Variants in ALG8 observed in about 807,000 individuals in gnomAD.
ALG8 encodes the protein dolichyl pyrophosphate Glc1Man9GlcNAc2 alpha-1,3-glucosyltransferase.
ALG8 carries 48 observed loss-of-function variants against 70.2 expected under a neutral mutation model. The observed-to-expected ratio is 0.68, with a 90% CI of 0.54 to 0.87. ALG8 has a LOEUF of 0.87. ALG8 is among the 40% of genes least tolerant of loss of function. ALG8 has a pLI of 0.00. For missense variants in ALG8, 572 were observed against 608.7 expected (o/e 0.94, Z 0.64); for synonymous variants, 234 against 229.0 (o/e 1.02, Z -0.20).
At position 78,106,792 on chromosome 11, in the gene ALG8, G is replaced by C. The variant is rs1262696818; in HGVS notation, c.1178+15C>G. The C allele has an allele frequency of 1.2e-6, 2 of 1,613,792 alleles. No homozygotes were observed. The highest frequency in any genetic ancestry group is 1.3e-5 in the African/African-American group (1 of 75,022). Reference sequence around the variant, plus strand: ...AAATATGCCAAAATGCTCACTGGCTGAGCTATCTGCTTACCTCATTGGGAG... The same window carrying C: ...AAATATGCCAAAATGCTCACTGGCTCAGCTATCTGCTTACCTCATTGGGAG... On this transcript the variant is annotated intron_variant, in intron 10 of 12. Coordinates refer to ENST00000299626, the MANE Select transcript of ALG8 (RefSeq NM_024079.5).
intron 2 of ALG8, among the ~76,000 whole-genome samples, chr11:78,126,404 C>T (rs1458396512): frequency 6.6e-6 from 1 of 151,066 alleles, no homozygotes; most frequent in African/African-American, 2.4e-5. Flanking sequence ...TGGTGGCGGG[C>T]GCCTGTAATC....
chr11:78,116,277 CGTGAGGTGGAGGTTGCA>C (rs1025728651), intron 5 of ALG8, among the ~76,000 whole-genome samples: 4 of 152,146 alleles, frequency 2.6e-5, no homozygotes, highest in Admixed American at 6.6e-5. Context: ...ACGAGAATCA[CGTGAGGTGGAGGTTGCA>C]GTGAGGTGGA....
rs111315632 is a variant in ALG8, at chr11:78,135,971, C to T, written c.95+3523G>A. Among the ~76,000 whole-genome samples the T allele has an allele frequency of 2.0e-3, 299 of 151,802 alleles. 2 individuals are homozygous for T. The highest frequency in any genetic ancestry group is 7.0e-3 in the African/African-American group (290 of 41,382). The stretch of plus-strand genomic sequence containing the variant: ...ATCGCTTGAGGTCAGGAATTTGAGA[C>T]GAGCCTGGGCAACATGGTGAAACCC... On this transcript the variant is annotated intron_variant, in intron 1 of 12. Transcript: ENST00000299626.
intron 1 of ALG8, among the ~76,000 whole-genome samples, chr11:78,134,292 CACACTTGGCTAATTT>C (rs1565364991): frequency 6.6e-6 from 1 of 152,126 alleles, no homozygotes; most frequent in Non-Finnish European, 1.5e-5. Flanking sequence ...TGCCCACCAC[CACACTTGGCTAATTT>C]TTGTATATTT....
chr11:78,132,380 T>C (rs1274305883), intron 1 of ALG8, among the ~76,000 whole-genome samples: 1 of 152,208 alleles, frequency 6.6e-6, no homozygotes, highest in Non-Finnish European at 1.5e-5. Flanking sequence ...AAAGGGCACC[T>C]AGCCTTCCTG....
chr11:78,139,613 C>T lies in ALG8; in HGVS notation c.-25G>A, dbSNP rs559379357. The T allele has an allele frequency of 2.1e-4, 329 of 1,548,956 alleles. 2 individuals are homozygous for T. In the South Asian group the frequency reaches 3.8e-3, roughly 18 times the overall value. The stretch of plus-strand genomic sequence containing the variant: ...TTGCTGCGGCACCGCACGCTTCCCA[C>T]CAACTTGATCCACATCCGGGATCCC... On this transcript the variant is annotated 5_prime_UTR_variant, in exon 1 of 13. It adds an upstream start codon to the 5' untranslated region. Transcript: ENST00000299626.
chr11:78,110,967 G>C (rs1427251762), intron 8 of ALG8, among the ~76,000 whole-genome samples: 1 of 152,124 alleles, frequency 6.6e-6, no homozygotes, highest in Non-Finnish European at 1.5e-5. Flanking sequence ...CAAGGCAACT[G>C]GCCCTTGTAC....
Position 78,123,782 on chromosome 11 carries a change from A to G in ALG8, c.368+239T>C, listed in dbSNP as rs553462865. Among the ~76,000 whole-genome samples the G allele has an allele frequency of 2.0e-5, 3 of 152,320 alleles. No homozygotes were observed. The South Asian group carries it at 6.2e-4, about 32-fold the overall frequency. The stretch of plus-strand genomic sequence containing the variant: ...ATACTTGGGACTACTTCTTTTCACA[A>G]CATTCATAATCTCTTGTTCTACCTC... On this transcript the variant is annotated intron_variant, in intron 3 of 12. Transcript: ENST00000299626.
intron 3 of ALG8, among the ~76,000 whole-genome samples, chr11:78,122,491 G>A (rs964174993): frequency 2.0e-5 from 3 of 151,966 alleles, no homozygotes; most frequent in Non-Finnish European, 4.4e-5. Flanking sequence ...ACAGTCCCCG[G>A]CAACCACAGC....
chr11:78,139,101 CCCA>C, intron 1 of ALG8: 1 of 355,202 alleles, frequency 2.8e-6, no homozygotes, highest in East Asian at 7.1e-5. Context: ...TCTAGCTCCA[CCCA>C]CCAACTTCGA....
chr11:78,109,486 C>T lies in ALG8; in HGVS notation c.994G>A (p.Val332Met). The T allele has an allele frequency of 6.2e-7, 1 of 1,614,110 alleles. No homozygotes were observed. The highest frequency in any genetic ancestry group is 8.5e-7 in the Non-Finnish European group (1 of 1,180,008). The change falls in exon 9 of 13, where the codon GTG (valine) becomes ATG (methionine). Residue 332 changes from valine (V) to methionine (M), a missense_variant. Transcript: ENST00000299626. Reference sequence around the variant, plus strand: ...CAGATGAGGGTTGCCAAGGGAGTCACTGAGGGAAGGACTGTGTGTTGGAAC... The same window carrying T: ...CAGATGAGGGTTGCCAAGGGAGTCATTGAGGGAAGGACTGTGTGTTGGAAC... ...QQFQHTVLPSVTPLATLICTL... is the reference protein window; with the variant it reads ...QQFQHTVLPSMTPLATLICTL...
At position 78,106,833 on chromosome 11, in the gene ALG8, G is replaced by C; in HGVS notation, c.1152C>G (p.Ala384=). 1 of 1,614,086 alleles carries C rather than the reference G, an allele frequency of 6.2e-7. No individual in the cohort carries two copies. Among genetic ancestry groups the C allele is most frequent in the South Asian group, 1.1e-5 (1 of 91,080 alleles). Residue 384 remains alanine (A), a synonymous_variant, in exon 10 of 13, where the codon GCC becomes GCG. Transcript: ENST00000299626. ...TCATTGGGAGAATTGCTAGAAGTAT[G>C]GCTTTTTCATGAACATGCCACCCAA... ...FMFGWHVHEK[A]ILLAILPMSL... is the part of the protein sequence containing the mutation.
At chr11:78,133,850 G>A (rs55726120) in intron 1 of ALG8, among the ~76,000 whole-genome samples, 2 of 151,068 alleles carry the variant, frequency 1.3e-5, no homozygotes, top group Non-Finnish European at 2.9e-5. Flanking sequence ...GCAGTGAGCC[G>A]AGATAGCGCC....
chr11:78,123,252 G>A (rs1590828804), intron 3 of ALG8, among the ~76,000 whole-genome samples: 1 of 139,242 alleles, frequency 7.2e-6, no homozygotes, highest in East Asian at 2.2e-4. Flanking sequence ...GCAGTGAGCC[G>A]AGATCGCGCC....
intron 5 of ALG8, among the ~76,000 whole-genome samples, chr11:78,117,358 T>C (rs1323848576): frequency 6.6e-6 from 1 of 152,138 alleles, no homozygotes; most frequent in Non-Finnish European, 1.5e-5. Flanking sequence ...TCCTCCTCTA[T>C]AGGAGGAATA....
intron 1 of ALG8, among the ~76,000 whole-genome samples, chr11:78,129,255 G>C (rs585486): frequency 0.22 from 32,890 of 151,218 alleles, 4,403 homozygotes; most frequent in African/African-American, 0.38. Context: ...CCCATCTCTA[G>C]TAAAAATATA....
intron 8 of ALG8, among the ~76,000 whole-genome samples, chr11:78,111,794 G>A (rs1860303125): frequency 6.6e-6 from 1 of 152,190 alleles, no homozygotes; most frequent in Admixed American, 6.5e-5. Context: ...TATCCAGAGT[G>A]AGTTATTTTT....
At position 78,124,062 on chromosome 11, in the gene ALG8, G is replaced by A. The variant is rs776646497; in HGVS notation, c.327C>T (p.Ser109=). 1.2e-5 allele frequency: 19 copies of A among 1,613,940 alleles called. No homozygotes were observed. In the East Asian group the frequency reaches 2.9e-4, roughly 25 times the overall value. ...SSRTLLFQRF[S]VIFMDVLFVY... is the part of the protein sequence containing the mutation. ...CAAAGAGTACATCCATAAAGATGACGGAAAATCTCTGGAAAAGTAAGGTCC... is the reference window on the plus strand; with the variant it reads ...CAAAGAGTACATCCATAAAGATGACAGAAAATCTCTGGAAAAGTAAGGTCC... The change falls in exon 3 of 13, where the codon TCC becomes TCT. Residue 109 remains serine (S), a synonymous_variant. Transcript: ENST00000299626.
At chr11:78,108,701 T>C (rs1270885218) in intron 9 of ALG8, among the ~76,000 whole-genome samples, 3 of 152,200 alleles carry the variant, frequency 2.0e-5, no homozygotes, top group Non-Finnish European at 4.4e-5. Context: ...TTACCTCAAT[T>C]AAAATATGTG....
Sources: gnomAD v4.1 joint callset for allele counts (sites outside exome capture counted in the v4.1 genomes callset) on GRCh38, gnomAD v4.1.1 for gene constraint, MANE v1.5 for transcripts, NCBI Gene and HGNC (gene_info 2026-07-23, HGNC 2026-07-21) for gene names.